ALG11: variants seen among roughly 807,000 people sequenced by gnomAD.
ALG11 encodes GDP-Man:Man(3)GlcNAc(2)-PP-Dol alpha-1,2-mannosyltransferase.
Under a neutral mutation model 38.8 loss-of-function variants are expected in ALG11, and 26 were observed. The ratio of observed to expected loss-of-function variants is 0.67; its 90% CI spans 0.49 to 0.93. The LOEUF is 0.93. Ranked by LOEUF, ALG11 falls within the 40% of genes least tolerant of loss-of-function variation. The pLI is 0.00. For synonymous variants in ALG11, 199 were observed against 211.6 expected, an observed-to-expected ratio of 0.94 and a Z score of 0.52; for missense variants, 535 against 578.8, an observed-to-expected ratio of 0.92 and a Z score of 0.78.
At position 52,012,626 on chromosome 13, in the gene ALG11, A is replaced by G. The variant is rs80331666; in HGVS notation, c.44+164A>G. Among the ~76,000 whole-genome samples the G allele has an allele frequency of 2.2e-4, 33 of 152,190 alleles. No homozygotes were observed. The East Asian group carries it at 6.0e-3, about 28-fold the overall frequency. ...TTTCTTTTTCTTGGGGGTCTTCTAT[A>G]TAGACTGGAATAGACTAGGTCTTAA... On this transcript the variant is annotated intron_variant, in intron 1 of 3. Transcript: ENST00000521508.
rs980468793 is a variant in ALG11, at chr13:52,031,507, T to C, written c.*2917T>C. The C allele has an allele frequency of 5.3e-6, 1 of 187,272 alleles. No homozygotes were observed. 11.6% of individuals were successfully genotyped at this position (187,272 alleles called of 1,614,324 possible). ...TGCCAGCAATCCTTTCCATACTAGG[T>C]ACTGGTGAAAATTGTTTTTGTTTAT... On this transcript the variant is annotated 3_prime_UTR_variant, in exon 4 of 4. Coordinates refer to ENST00000521508, the MANE Select transcript of ALG11 (RefSeq NM_001004127.3).
chr13:52,013,856 C>T (rs1043766256), intron 1 of ALG11, among the ~76,000 whole-genome samples: 1 of 152,200 alleles, frequency 6.6e-6, no homozygotes, highest in Non-Finnish European at 1.5e-5. Context: ...CTCAACAAAT[C>T]TGTTTTTATA....
chr13:52,024,126 T>G lies in ALG11; in HGVS notation c.396T>G (p.Phe132Leu). 2.5e-6 allele frequency: 4 copies of G among 1,614,108 alleles called. No individual in the cohort carries two copies. Among genetic ancestry groups the G allele is most frequent in the Non-Finnish European group, 3.4e-6 (4 of 1,179,990 alleles). ...TAATTCACCCAGTGCAGTTTGTTTT[T>G]TTAAGGAAACGCTATCTTGTGGAAG... Reference protein sequence around the residue: ...IRLIHPVQFVFLRKRYLVEDS... With the variant: ...IRLIHPVQFVLLRKRYLVEDS... The change falls in exon 3 of 4, where the codon TTT (phenylalanine) becomes TTG (leucine). Residue 132 changes from phenylalanine (F) to leucine (L), a missense_variant. Coordinates refer to ENST00000521508, the MANE Select transcript of ALG11 (RefSeq NM_001004127.3).
At chr13:52,022,706 T>G (rs1236488282) in intron 2 of ALG11, 3 of 152,092 alleles carry the variant, frequency 2.0e-5, no homozygotes, top group Non-Finnish European at 4.4e-5. Context: ...TTGTTTTTTT[T>G]TTTTTTTTTC....
Position 52,012,459 on chromosome 13 carries a change from T to G in ALG11, c.41T>G (p.Leu14Trp). The change falls in exon 1 of 4, where the codon TTG (leucine) becomes TGG (tryptophan). Residue 14 changes from leucine to tryptophan, a missense_variant. Coordinates refer to ENST00000521508, the MANE Select transcript of ALG11 (RefSeq NM_001004127.3). ...GERSWCLCKL[L>W]RFFYSLFFPG... The stretch of plus-strand genomic sequence containing the variant: ...AGGAGCTGGTGCCTGTGCAAGTTGT[T>G]GAGGTGAGCAGCCGGTCGTGTGGGC... 6.2e-7 allele frequency: 1 copy of G among 1,614,084 alleles called. No individual in the cohort carries two copies. The highest frequency in any genetic ancestry group is 8.5e-7 in the Non-Finnish European group (1 of 1,180,010).
Position 52,031,053 on chromosome 13 carries a change from AGAG to A in ALG11, c.*2466_*2468del. On this transcript the variant is annotated 3_prime_UTR_variant, in exon 4 of 4. Transcript: ENST00000521508. ...TCAAGGTCAGACCTGCCTGTCATAC[AGAG>A]GAATCCAAAACGAATCACCACACGT... The A allele has an allele frequency of 6.2e-7, 1 of 1,614,196 alleles. No homozygotes were observed. The highest frequency in any genetic ancestry group is 8.5e-7 in the Non-Finnish European group (1 of 1,180,028).
Position 52,030,880 on chromosome 13 carries a change from G to T in ALG11, c.*2290G>T. 1 of 1,614,072 alleles carries T rather than the reference G, an allele frequency of 6.2e-7. No individual in the cohort carries two copies. The highest frequency in any genetic ancestry group is 8.5e-7 in the Non-Finnish European group (1 of 1,180,006). ...TTCCATATCCATTTACCCACCATCG[G>T]CAATTTGAAAGGACCATCCAGACCC... On this transcript the variant is annotated 3_prime_UTR_variant, in exon 4 of 4. Transcript: ENST00000521508.
chr13:52,026,774 C>A (rs192828240), intron 3 of ALG11, among the ~76,000 whole-genome samples: 1 of 152,048 alleles, frequency 6.6e-6, no homozygotes, highest in Non-Finnish European at 1.5e-5. Context: ...TGAGGGCATG[C>A]GTCCAGGAGG....
At position 52,031,076 on chromosome 13, in the gene ALG11, A is replaced by C. The variant is rs367799665; in HGVS notation, c.*2486A>C. Reference sequence around the variant, plus strand: ...ACAGAGGAATCCAAAACGAATCACCACACGTCACAATAAAGAAGAAAAACT... The same window carrying C: ...ACAGAGGAATCCAAAACGAATCACCCCACGTCACAATAAAGAAGAAAAACT... On this transcript the variant is annotated 3_prime_UTR_variant, in exon 4 of 4. Coordinates refer to ENST00000521508, the MANE Select transcript of ALG11 (RefSeq NM_001004127.3). The C allele has an allele frequency of 1.2e-6, 2 of 1,613,446 alleles. No homozygotes were observed. Among genetic ancestry groups the C allele is most frequent in the East Asian group, 4.5e-5 (2 of 44,866 alleles).
rs200166628 is a variant in ALG11, at chr13:52,024,137, G to A, written c.407G>A (p.Arg136His). Residue 136 changes from arginine (R) to histidine (H), a missense_variant, in exon 3 of 4, where the codon CGC (arginine) becomes CAC (histidine). Physicochemically the swap from Arg to His is conservative, Grantham distance 29 (BLOSUM62 0). Transcript: ENST00000521508. ...HPVQFVFLRK[R>H]YLVEDSLYPH... ...GTGCAGTTTGTTTTTTTAAGGAAAC[G>A]CTATCTTGTGGAAGATTCACTGTAT... is the stretch of plus-strand genomic sequence containing the variant. 107 of 1,613,896 alleles carry A rather than the reference G, an allele frequency of 6.6e-5. No homozygotes were observed. Among genetic ancestry groups the A allele is most frequent in the Non-Finnish European group, 3.4e-5 (40 of 1,180,002 alleles).
Position 52,030,470 on chromosome 13 carries a change from C to T in ALG11, c.*1880C>T, listed in dbSNP as rs1222346125. ...TAAGGAGAAGAAAGAGAAGGAGCAA[C>T]TGATCAACCTACAGAACTTCCTGAC... On this transcript the variant is annotated 3_prime_UTR_variant, in exon 4 of 4. Transcript: ENST00000521508. 9.3e-6 allele frequency: 15 copies of T among 1,614,132 alleles called. No individual in the cohort carries two copies. The highest frequency in any genetic ancestry group is 1.1e-5 in the Non-Finnish European group (13 of 1,180,054).
chr13:52,026,426 C>T (rs188284485), intron 3 of ALG11, among the ~76,000 whole-genome samples: 2 of 152,188 alleles, frequency 1.3e-5, no homozygotes, highest in Non-Finnish European at 2.9e-5. Flanking sequence ...CCAGTCCATT[C>T]TGGCCACATG....
chr13:52,018,961 ATG>A lies in ALG11; in HGVS notation c.101_102del (p.Cys34PhefsTer22). ...FPGLIVCGTL[C>X]VCLVIVLWGI... ...CTGGGCTCATTGTATGTGGAACTTT[ATG>A]TGTGTGTTTGGTCATTGTCCTTTGG... On this transcript the variant is annotated frameshift_variant, in exon 2 of 4. Transcript: ENST00000521508. LOFTEE classifies it high-confidence loss of function. 1.2e-6 allele frequency: 2 copies of A among 1,613,914 alleles called. No individual in the cohort carries two copies. Among genetic ancestry groups the A allele is most frequent in the Non-Finnish European group, 1.7e-6 (2 of 1,179,980 alleles).
chr13:52,024,507 T>A lies in ALG11; in HGVS notation c.777T>A (p.Ser259=), dbSNP rs1403594337. The A allele has an allele frequency of 3.1e-6, 5 of 1,614,240 alleles. No homozygotes were observed. Among genetic ancestry groups the A allele is most frequent in the Non-Finnish European group, 4.2e-6 (5 of 1,180,040 alleles). ...GTGATGTAGTCATGGTCAATTCTTCTTGGACACTAAACCATATTCTCTCAC... is the reference window on the plus strand; with the variant it reads ...GTGATGTAGTCATGGTCAATTCTTCATGGACACTAAACCATATTCTCTCAC... ...SCSDVVMVNS[S]WTLNHILSLW... The change falls in exon 3 of 4, where the codon TCT becomes TCA. Residue 259 remains serine, a synonymous_variant. Coordinates refer to ENST00000521508, the MANE Select transcript of ALG11 (RefSeq NM_001004127.3).
Position 52,030,380 on chromosome 13 carries a change from C to A in ALG11, c.*1790C>A. On this transcript the variant is annotated 3_prime_UTR_variant, in exon 4 of 4. Coordinates refer to ENST00000521508, the MANE Select transcript of ALG11 (RefSeq NM_001004127.3). ...AGAAGATTGTTTTCAAAATAAGGAG[C>A]TTCCCAGACCTGTGTTAGAAGGACA... 6.2e-7 allele frequency: 1 copy of A among 1,614,198 alleles called. No homozygotes were observed. The highest frequency in any genetic ancestry group is 1.1e-5 in the South Asian group (1 of 91,086).
chr13:52,024,212 G>C lies in ALG11; in HGVS notation c.482G>C (p.Trp161Ser). 1 of 1,614,050 alleles carries C rather than the reference G, an allele frequency of 6.2e-7. No individual in the cohort carries two copies. Among genetic ancestry groups the C allele is most frequent in the Non-Finnish European group, 8.5e-7 (1 of 1,179,994 alleles). The change falls in exon 3 of 4, where the codon TGG (tryptophan) becomes TCG (serine). Residue 161 changes from tryptophan (W) to serine (S), a missense_variant. Trp to Ser is a radical substitution (Grantham distance 177, BLOSUM62 -3). Transcript: ENST00000521508. ...GQSLGSIFLG[W>S]EALMQCVPDV... The stretch of plus-strand genomic sequence containing the variant: ...AGTCTAGGATCCATTTTTCTTGGCT[G>C]GGAAGCTCTAATGCAGTGTGTTCCT...
chr13:52,022,029 G>A (rs1954188218), intron 2 of ALG11: 1 of 152,212 alleles, frequency 6.6e-6, no homozygotes, highest in Non-Finnish European at 1.5e-5. Context: ...TATTCCAGGG[G>A]AGGGGACTTA....
intron 1 of ALG11, among the ~76,000 whole-genome samples, chr13:52,015,018 T>A (rs1210563177): frequency 6.6e-6 from 1 of 152,206 alleles, no homozygotes; most frequent in Non-Finnish European, 1.5e-5. Flanking sequence ...AAATCCCACA[T>A]GAGATTTGTT....
chr13:52,020,262 C>A (rs1954173435), intron 2 of ALG11, among the ~76,000 whole-genome samples: 1 of 152,062 alleles, frequency 6.6e-6, no homozygotes, highest in Non-Finnish European at 1.5e-5. Flanking sequence ...ACCCCCCATA[C>A]CCCCAAAATA....
Sources: allele counts gnomAD v4.1 joint callset (sites outside exome capture counted in the v4.1 genomes callset), GRCh38; gene constraint gnomAD v4.1.1; transcripts MANE v1.5; gene names NCBI Gene and HGNC (gene_info 2026-07-23, HGNC 2026-07-21).